ST3GAL5: variants seen among roughly 807,000 people sequenced by gnomAD.
ST3GAL5 encodes lactosylceramide alpha-2,3-sialyltransferase.
ST3GAL5 carries 25 observed loss-of-function variants against 46.1 expected under a neutral mutation model. The ratio of observed to expected loss-of-function variants is 0.54; its 90% CI spans 0.40 to 0.76. ST3GAL5 has a LOEUF of 0.76. ST3GAL5 is among the 30% of genes least tolerant of loss of function. ST3GAL5 has a pLI of 0.00. For synonymous variants in ST3GAL5, 182 were observed against 192.7 expected, an observed-to-expected ratio of 0.94 and a Z score of 0.46; for missense variants, 431 against 521.2, an observed-to-expected ratio of 0.83 and a Z score of 1.69.
chr2:85,869,023 C>T (rs1174952895), intron 1 of ST3GAL5, among the ~76,000 whole-genome samples: 1 of 152,194 alleles, frequency 6.6e-6, no homozygotes, highest in East Asian at 1.9e-4. Flanking sequence ...AGAAAGTACA[C>T]CTGTCATCAA....
chr2:85,877,923 A>G (rs937655961), intron 1 of ST3GAL5, among the ~76,000 whole-genome samples: 1 of 152,252 alleles, frequency 6.6e-6, no homozygotes, highest in African/African-American at 2.4e-5. Context: ...TACAGTATAT[A>G]TGAGTTGGGA....
At chr2:85,877,610 T>A (rs866858736) in intron 1 of ST3GAL5, among the ~76,000 whole-genome samples, 19 of 152,232 alleles carry the variant, frequency 1.2e-4, no homozygotes, top group African/African-American at 4.1e-4. Flanking sequence ...CACTGTCGAG[T>A]TGACTATTTT....
At position 85,888,901 on chromosome 2, in the gene ST3GAL5, CG is replaced by C; in HGVS notation, c.4del (p.Arg2GlyfsTer35). The C allele has an allele frequency of 7.3e-7, 1 of 1,371,598 alleles. No homozygotes were observed. Among genetic ancestry groups the C allele is most frequent in the Admixed American group, 2.7e-5 (1 of 37,648 alleles). The allele number at this position is 1,371,598 out of a possible 1,614,324, so 85.0% of individuals were successfully genotyped here. M[R>X]TKAAGCAERR... is the part of the protein sequence containing the mutation. ...CTCCGCGCAGCCCGCCGCCTTCGTC[CG>C]CATACTAATGAGGGGGCGCCGGCCG... is the stretch of plus-strand genomic sequence containing the variant. On this transcript the variant is annotated frameshift_variant, in exon 1 of 7. Coordinates refer to ENST00000638572, the MANE Select transcript of ST3GAL5 (RefSeq NM_003896.4). LOFTEE classifies it high-confidence loss of function.
At chr2:85,873,690 C>T (rs1686199993) in intron 1 of ST3GAL5, among the ~76,000 whole-genome samples, 1 of 152,168 alleles carries the variant, frequency 6.6e-6, no homozygotes, top group South Asian at 2.1e-4. Flanking sequence ...GTCCCAAACG[C>T]CTGTGGGCTG....
At position 85,840,232 on chromosome 2, in the gene ST3GAL5, T is replaced by C. The variant is rs1315138897; in HGVS notation, c.1169A>G (p.Asn390Ser). 6.2e-7 allele frequency: 1 copy of C among 1,614,198 alleles called. No homozygotes were observed. The highest frequency in any genetic ancestry group is 2.2e-5 in the East Asian group (1 of 44,890). ...MAAMNFQTMH[N>S]VTTETKFLLK... ...GAGGAACTTGGTTTCCGTTGTCACA[T>C]TATGCATGGTCTGAAAGTTCATAGC... The change falls in exon 7 of 7, where the codon AAT becomes AGT. Residue 390 changes from asparagine to serine, a missense_variant. Asn to Ser is a conservative substitution (Grantham distance 46, BLOSUM62 1). Coordinates refer to ENST00000638572, the MANE Select transcript of ST3GAL5 (RefSeq NM_003896.4).
chr2:85,876,123 G>A (rs1686535536), intron 1 of ST3GAL5, among the ~76,000 whole-genome samples: 1 of 152,202 alleles, frequency 6.6e-6, no homozygotes, highest in African/African-American at 2.4e-5. Flanking sequence ...CAAATGCTGA[G>A]GATTTGGGTA....
At chr2:85,879,604 GAAC>G (rs1351299952) in intron 1 of ST3GAL5, among the ~76,000 whole-genome samples, 1 of 152,198 alleles carries the variant, frequency 6.6e-6, no homozygotes, top group Non-Finnish European at 1.5e-5. Flanking sequence ...TGCTATGAGA[GAAC>G]AACTCTGTGG....
chr2:85,879,477 G>C (rs1001495024), intron 1 of ST3GAL5, among the ~76,000 whole-genome samples: 45 of 152,116 alleles, frequency 3.0e-4, no homozygotes, highest in Non-Finnish European at 4.9e-4. Flanking sequence ...ATGACACTAG[G>C]GGTAAACTGA....
At chr2:85,886,699 G>T (rs1344210957) in intron 1 of ST3GAL5, among the ~76,000 whole-genome samples, 2 of 151,964 alleles carry the variant, frequency 1.3e-5, no homozygotes, top group African/African-American at 4.8e-5. Context: ...CTGTCTCCCG[G>T]GCGAGCCTGC....
intron 6 of ST3GAL5, among the ~76,000 whole-genome samples, chr2:85,843,773 ATC>A (rs1476874925): frequency 6.6e-6 from 1 of 152,230 alleles, no homozygotes; most frequent in Non-Finnish European, 1.5e-5. Flanking sequence ...CAGGTAAAGA[ATC>A]TCTACTGCAA....
At chr2:85,861,135 T>C (rs1459587901) in intron 3 of ST3GAL5, 46 bp downstream of exon 3, 3 of 1,239,334 alleles carry the variant, frequency 2.4e-6, no homozygotes, top group African/African-American at 2.9e-5. Context: ...TTTGAGCATA[T>C]GCTTGGCAAT....
At chr2:85,883,140 T>A (rs1687363865) in intron 1 of ST3GAL5, among the ~76,000 whole-genome samples, 1 of 152,130 alleles carries the variant, frequency 6.6e-6, no homozygotes. Flanking sequence ...AGGGGAGGAA[T>A]GCTATGATTT....
chr2:85,870,104 T>G, intron 1 of ST3GAL5: 2 of 437,410 alleles, frequency 4.6e-6, no homozygotes, highest in Non-Finnish European at 9.7e-6. Context: ...CCTGTATGCA[T>G]GCTTTCTTTT....
At chr2:85,856,541 T>C (rs1245264337) in intron 3 of ST3GAL5, 3 of 152,126 alleles carry the variant, frequency 2.0e-5, no homozygotes, top group African/African-American at 4.8e-5. Context: ...ACTAAAACCA[T>C]AGTGTATTGC....
chr2:85,863,581 A>G (rs755700542), intron 1 of ST3GAL5, 96 bp from the exon 2 acceptor site: 12 of 1,320,524 alleles, frequency 9.1e-6, no homozygotes, highest in South Asian at 3.6e-5. Context: ...TGTTGCATCC[A>G]TACCATGGAA....
intron 2 of ST3GAL5, 46 bp downstream of exon 2, chr2:85,863,316 G>A (rs1384884130): frequency 3.7e-6 from 6 of 1,612,626 alleles, no homozygotes; most frequent in South Asian, 1.1e-5. Flanking sequence ...GTTCTACACA[G>A]TTGACCCAAA....
rs9677117 is a variant in ST3GAL5 at position 85,859,991 on chromosome 2, G to C, written c.318+1190C>G. 1.7e-3 allele frequency among the ~76,000 whole-genome samples: 254 copies of C among 152,260 alleles called. 1 individual carries two copies. The highest frequency in any genetic ancestry group is 5.7e-3 in the African/African-American group (237 of 41,534). ...CAGGCAGAGAGCAGAGTGGTCAGGA[G>C]CTCAGACTCTGAAACCACACCACTG... On this transcript the variant is annotated intron_variant, in intron 3 of 6. Coordinates refer to ENST00000638572, the MANE Select transcript of ST3GAL5 (RefSeq NM_003896.4).
intron 1 of ST3GAL5, among the ~76,000 whole-genome samples, chr2:85,866,872 T>A (rs1685343994): frequency 6.6e-6 from 1 of 152,224 alleles, no homozygotes; most frequent in African/African-American, 2.4e-5. Context: ...GAATGAAATG[T>A]GCATTACATG....
intron 1 of ST3GAL5, chr2:85,867,787 C>CG: frequency 1.5e-6 from 1 of 680,508 alleles, no homozygotes. Context: ...TATGGTATAA[C>CG]GGCAAGACTG....
Sources: allele counts gnomAD v4.1 joint callset (sites outside exome capture counted in the v4.1 genomes callset), GRCh38; gene constraint gnomAD v4.1.1; transcripts MANE v1.5; gene names NCBI Gene and HGNC (gene_info 2026-07-23, HGNC 2026-07-21).